Variants in PDE1C observed in about 807,000 individuals in gnomAD.
The protein encoded by PDE1C is dual specificity calcium/calmodulin-dependent 3',5'-cyclic nucleotide phosphodiesterase 1C.
Under a neutral mutation model 93.1 loss-of-function variants are expected in PDE1C, and 62 were observed. The ratio of observed to expected loss-of-function variants is 0.67; its 90% CI spans 0.54 to 0.82. The LOEUF (loss-of-function observed/expected upper bound fraction) is 0.82. Ranked by LOEUF, PDE1C falls within the 40% of genes least tolerant of loss-of-function variation. The pLI, the probability that PDE1C is intolerant of heterozygous loss-of-function variation, is 0.00. For synonymous variants in PDE1C, 325 were observed against 310.1 expected (o/e 1.05, Z -0.50); for missense variants, 742 against 884.6 (o/e 0.84, Z 2.04).
At chr7:31,801,273 G>T (rs894214175) in intron 16 of PDE1C, among the ~76,000 whole-genome samples, 2 of 151,194 alleles carry the variant, frequency 1.3e-5, no homozygotes, top group African/African-American at 4.8e-5. Flanking sequence ...TATAAAAAAT[G>T]AGAGTGATAA....
At chr7:31,657,119 A>G in the PDE1C span, among the ~76,000 whole-genome samples, 1 of 720 alleles carries the variant, frequency 1.4e-3, no homozygotes, top group African/African-American at 5.3e-3. Flanking sequence ...ATATAAAATC[A>G]TATATATCAA....
intron 1 of PDE1C, among the ~76,000 whole-genome samples, chr7:32,320,010 C>G (rs1783255814): frequency 6.6e-6 from 1 of 152,142 alleles, no homozygotes; most frequent in Non-Finnish European, 1.5e-5. Context: ...CAAAGCTTCC[C>G]TGCCTACGAC....
At chr7:31,717,099 G>A in the PDE1C span, among the ~76,000 whole-genome samples, 2 of 152,306 alleles carry the variant, frequency 1.3e-5, 1 homozygote, top group Admixed American at 1.3e-4. Context: ...TGTATTGTAA[G>A]TTATATGGCA....
chr7:31,787,213 G>T (rs1278352560), intron 16 of PDE1C: 2 of 152,058 alleles, frequency 1.3e-5, no homozygotes, highest in African/African-American at 4.8e-5. Flanking sequence ...ACGTGCACTA[G>T]GTTATTCTTT....
At chr7:31,723,017 T>G in the PDE1C span, among the ~76,000 whole-genome samples, 4 of 152,188 alleles carry the variant, frequency 2.6e-5, no homozygotes, top group Non-Finnish European at 5.9e-5. Flanking sequence ...CTTAACTCAT[T>G]TATTCTTTGC....
intron 1 of PDE1C, among the ~76,000 whole-genome samples, chr7:32,420,563 A>AG (rs61481517): frequency 2.7e-5 from 4 of 148,092 alleles, no homozygotes; most frequent in African/African-American, 5.0e-5. Context: ...CAAAAAAAAA[A>AG]GGGGGGGTGG....
intron 1 of PDE1C, among the ~76,000 whole-genome samples, chr7:32,348,712 C>T (rs189814638): frequency 6.6e-6 from 1 of 152,232 alleles, no homozygotes; most frequent in East Asian, 1.9e-4. Flanking sequence ...GACTCAGCTT[C>T]ATTTTCTTAT....
intron 1 of PDE1C, among the ~76,000 whole-genome samples, chr7:32,266,088 C>T (rs930750422): frequency 3.0e-5 from 4 of 131,512 alleles, no homozygotes; most frequent in South Asian, 2.3e-4. Flanking sequence ...TCCTGGCCAA[C>T]ATGGTGAAAC....
At position 31,751,271 on chromosome 7, in the gene PDE1C, C is replaced by T. The variant is rs1794126081; in HGVS notation, c.*2113G>A. 1 of 152,052 alleles carries T rather than the reference C, an allele frequency of 6.6e-6. No individual in the cohort carries two copies. The highest frequency in any genetic ancestry group is 1.5e-5 in the Non-Finnish European group (1 of 68,016). 9.4% of individuals were successfully genotyped at this position (152,052 alleles called of 1,614,324 possible). ...AAAAACATGGTAGGCATTTTATAAG[C>T]AGTGCAAAATCTCAACATCTGTACA... On this transcript the variant is annotated 3_prime_UTR_variant, in exon 18 of 18. Coordinates refer to ENST00000396191, the MANE Select transcript of PDE1C (RefSeq NM_001191057.4).
At chr7:31,870,511 G>C (rs991939502) in intron 6 of PDE1C, among the ~76,000 whole-genome samples, 1 of 151,986 alleles carries the variant, frequency 6.6e-6, no homozygotes, top group Non-Finnish European at 1.5e-5. Flanking sequence ...AGAGGAAATG[G>C]ATAAGTTCCT....
the PDE1C span, among the ~76,000 whole-genome samples, chr7:31,653,859 C>T: frequency 4.6e-5 from 7 of 151,996 alleles, no homozygotes; most frequent in Non-Finnish European, 2.9e-5. Flanking sequence ...TTCAGACAGC[C>T]CTGGTTGAGG....
At chr7:32,033,440 G>A (rs764886091) in intron 2 of PDE1C, among the ~76,000 whole-genome samples, 10 of 151,856 alleles carry the variant, frequency 6.6e-5, no homozygotes, top group Admixed American at 5.3e-4. Context: ...GTTATTAAGG[G>A]GATAAATGTC....
the PDE1C span, among the ~76,000 whole-genome samples, chr7:31,645,903 G>A: frequency 1.3e-5 from 2 of 152,088 alleles, no homozygotes; most frequent in Admixed American, 6.6e-5. Context: ...AGCTCTAAGA[G>A]AATAAACATT....
At chr7:31,850,825 C>A (rs563913205) in intron 7 of PDE1C, 84 bp from the exon 8 acceptor site, 1 of 916,512 alleles carries the variant, frequency 1.1e-6, no homozygotes, top group African/African-American at 1.6e-5. Context: ...ACAGTGCTGC[C>A]TTTCTACCCT....
chr7:31,686,134 C>T, the PDE1C span, among the ~76,000 whole-genome samples: 14 of 152,274 alleles, frequency 9.2e-5, no homozygotes, highest in East Asian at 1.2e-3. Context: ...ATGGTGCTCA[C>T]GTATCTTCTG....
intron 3 of PDE1C, among the ~76,000 whole-genome samples, chr7:32,109,321 T>C (rs769849727): frequency 3.3e-5 from 5 of 152,196 alleles, no homozygotes; most frequent in Non-Finnish European, 7.3e-5. Flanking sequence ...GATGGATTTA[T>C]ATGTAAGGAC....
the PDE1C span, among the ~76,000 whole-genome samples, chr7:31,635,783 C>T: frequency 4.6e-5 from 7 of 151,628 alleles, no homozygotes; most frequent in South Asian, 2.1e-4. Context: ...AAGGGGAGGG[C>T]GGGGGTCAGA....
intron 8 of PDE1C, among the ~76,000 whole-genome samples, chr7:31,849,328 G>A (rs1170379427): frequency 6.6e-6 from 1 of 152,126 alleles, no homozygotes; most frequent in African/African-American, 2.4e-5. Context: ...TGTCCTCAGA[G>A]CAAAGGTTCC....
intron 16 of PDE1C, among the ~76,000 whole-genome samples, chr7:31,806,473 G>T (rs1403314377): frequency 6.6e-6 from 1 of 151,932 alleles, no homozygotes; most frequent in African/African-American, 2.4e-5. Context: ...CTCCCTAGGG[G>T]TAAGTAAGGT....
Sources: gnomAD v4.1 joint callset for allele counts (sites outside exome capture counted in the v4.1 genomes callset) on GRCh38, gnomAD v4.1.1 for gene constraint, MANE v1.5 for transcripts, NCBI Gene and HGNC (gene_info 2026-07-23, HGNC 2026-07-21) for gene names.